The following ZNF646 variants were observed in gnomAD, a reference collection of about 807,000 sequenced individuals.
ZNF646 encodes zinc finger protein 646.
Under a neutral mutation model 115.4 loss-of-function variants are expected in ZNF646, and 49 were observed. That is an observed-to-expected ratio of 0.42 (90% CI 0.34 to 0.54). The LOEUF is 0.54. Ranked by LOEUF, ZNF646 falls within the 20% of genes least tolerant of loss-of-function variation. The probability of loss-of-function intolerance (pLI) is 0.04; values close to 1 mark genes in which losing one functional copy is unlikely to be tolerated. For synonymous variants in ZNF646, 933 were observed against 939.0 expected, an observed-to-expected ratio of 0.99 and a Z score of 0.12; for missense variants, 2,269 against 2,457.9, an observed-to-expected ratio of 0.92 and a Z score of 1.62.
rs774639852 is a variant in ZNF646, at chr16:31,078,634, C to T, written c.2310C>T (p.Asp770=). 6.2e-7 allele frequency: 1 copy of T among 1,614,140 alleles called. No homozygotes were observed. The highest frequency in any genetic ancestry group is 8.5e-7 in the Non-Finnish European group (1 of 1,180,000). The change falls in exon 2 of 3, where the codon GAC becomes GAT. Residue 770 remains aspartate (D), a synonymous_variant. Transcript: ENST00000300850. ...AAAGGAAGGATGCCAGTTTACTTGACAACTTGGACATCCCAGGTGAGGAAG... is the reference window on the plus strand; with the variant it reads ...AAAGGAAGGATGCCAGTTTACTTGATAACTTGGACATCCCAGGTGAGGAAG... ...GLERKDASLL[D]NLDIPGEEGG...
In ZNF646 at chr16:31,077,502, G is replaced by A. The variant is rs371920878; in HGVS notation, c.1178G>A (p.Arg393Gln). 154 of 1,613,396 alleles carry A rather than the reference G, an allele frequency of 9.5e-5. No homozygotes were observed. Among genetic ancestry groups the A allele is most frequent in the Non-Finnish European group, 2.5e-5 (30 of 1,179,892 alleles). The change falls in exon 2 of 3, where the codon CGA (arginine) becomes CAA (glutamine). Residue 393 changes from arginine to glutamine, a missense_variant. By Grantham distance (43) the Arg-to-Gln change is conservative (BLOSUM62 1). Transcript: ENST00000300850. ...YRHAGSLINH[R>Q]KSHQTGVYPC... ...CATGCTGGGAGCCTCATCAACCATC[G>A]AAAGAGCCACCAGACAGGTGTCTAC... is the stretch of plus-strand genomic sequence containing the variant.
At position 31,077,635 on chromosome 16, in the gene ZNF646, A is replaced by G. The variant is rs773726478; in HGVS notation, c.1311A>G (p.Ser437=). 7.4e-5 allele frequency: 119 copies of G among 1,613,774 alleles called. No individual in the cohort carries two copies. Among genetic ancestry groups the G allele is most frequent in the Admixed American group, 1.7e-4 (10 of 59,972 alleles). Residue 437 remains serine (S), a synonymous_variant, in exon 2 of 3, where the codon TCA becomes TCG. Transcript: ENST00000300850. The part of the protein sequence containing the change: ...RQGVGENGQP[S]VPPAPLLLAE... The stretch of plus-strand genomic sequence containing the variant: ...GAGTTGGGGAAAATGGGCAGCCATC[A>G]GTCCCACCAGCTCCCCTGCTGCTGG...
At position 31,078,034 on chromosome 16, in the gene ZNF646, C is replaced by A; in HGVS notation, c.1710C>A (p.Asp570Glu). 1 of 1,614,174 alleles carries A rather than the reference C, an allele frequency of 6.2e-7. No individual in the cohort carries two copies. The highest frequency in any genetic ancestry group is 1.3e-5 in the African/African-American group (1 of 75,064). The change falls in exon 2 of 3, where the codon GAC becomes GAA. Residue 570 changes from aspartate (D) to glutamate (E), a missense_variant. By Grantham distance (45) the Asp-to-Glu change is conservative. This residue lies in a region of ZNF646 where 852 missense variants were observed against 900.2 expected (regional missense o/e 0.95). Coordinates refer to ENST00000300850, the MANE Select transcript of ZNF646 (RefSeq NM_014699.4). ...EEATDITPAA[D>E]KTAAHICSIC... ...CCACGGACATCACCCCAGCAGCAGA[C>A]AAGACAGCAGCACATATCTGTAGCA...
At position 31,076,275 on chromosome 16, in the gene ZNF646, T is replaced by C; in HGVS notation, c.-50T>C. 6.4e-7 allele frequency: 1 copy of C among 1,553,498 alleles called. No individual in the cohort carries two copies. On this transcript the variant is annotated 5_prime_UTR_variant, in exon 2 of 3. Coordinates refer to ENST00000300850, the MANE Select transcript of ZNF646 (RefSeq NM_014699.4). Reference sequence around the variant, plus strand: ...TGGCCCCTCCACCAGAGGAAGGTGCTGCCACGTGTCTGCTCCTTCTGAACC... The same window carrying C: ...TGGCCCCTCCACCAGAGGAAGGTGCCGCCACGTGTCTGCTCCTTCTGAACC...
chr16:31,081,756 C>G, intron 2 of ZNF646, 55 bp downstream of exon 2: 1 of 1,498,506 alleles, frequency 6.7e-7, no homozygotes. Context: ...AGGGGGAAGT[C>G]CAGCCCCAAA....
rs765529955 is a variant in ZNF646 at position 31,080,724 on chromosome 16, T to C, written c.4400T>C (p.Val1467Ala). 1 of 1,613,620 alleles carries C rather than the reference T, an allele frequency of 6.2e-7. No individual in the cohort carries two copies. The highest frequency in any genetic ancestry group is 2.2e-5 in the East Asian group (1 of 44,870). ...GCAGGGAAGGCAGGTGGGTGGCCGG[T>C]AGGTGGGGGACTGGGGAATCATAGT... ...WGAGKAGGWPVGGGLGNHSGG... is the reference protein window; with the variant it reads ...WGAGKAGGWPAGGGLGNHSGG... Residue 1467 changes from valine (V) to alanine (A), a missense_variant, in exon 2 of 3, where the codon GTA (valine) becomes GCA (alanine). Coordinates refer to ENST00000300850, the MANE Select transcript of ZNF646 (RefSeq NM_014699.4).
rs771822946 is a variant in ZNF646, at chr16:31,078,178, C to T, written c.1854C>T (p.Ala618=). 2 of 1,614,076 alleles carry T rather than the reference C, an allele frequency of 1.2e-6. No individual in the cohort carries two copies. Among genetic ancestry groups the T allele is most frequent in the Non-Finnish European group, 1.7e-6 (2 of 1,180,048 alleles). Reference sequence around the variant, plus strand: ...CAATGTCACCTCCTAGGGCCTTTGCCTGCCGAGACTGTGGAAAGAGCTATC... The same window carrying T: ...CAATGTCACCTCCTAGGGCCTTTGCTTGCCGAGACTGTGGAAAGAGCTATC... ...ETTMSPPRAF[A]CRDCGKSYRH... The change falls in exon 2 of 3, where the codon GCC becomes GCT. Residue 618 remains alanine, a synonymous_variant. Coordinates refer to ENST00000300850, the MANE Select transcript of ZNF646 (RefSeq NM_014699.4).
At position 31,078,381 on chromosome 16, in the gene ZNF646, A is replaced by G; in HGVS notation, c.2057A>G (p.Glu686Gly). The part of the protein sequence containing the change: ...KRAGGASGGR[E>G]AKLLAAESWT... ...GCTGGCGGTGCCAGCGGTGGGAGAGAAGCCAAACTCCTGGCAGCGGAGAGC... is the reference window on the plus strand; with the variant it reads ...GCTGGCGGTGCCAGCGGTGGGAGAGGAGCCAAACTCCTGGCAGCGGAGAGC... The change falls in exon 2 of 3, where the codon GAA becomes GGA. Residue 686 changes from glutamate to glycine, a missense_variant. By Grantham distance (98) the Glu-to-Gly change is moderately conservative (BLOSUM62 -2). Coordinates refer to ENST00000300850, the MANE Select transcript of ZNF646 (RefSeq NM_014699.4). 6.2e-7 allele frequency: 1 copy of G among 1,612,452 alleles called. No homozygotes were observed. Among genetic ancestry groups the G allele is most frequent in the Non-Finnish European group, 8.5e-7 (1 of 1,179,202 alleles).
rs775744443 is a variant in ZNF646 at position 31,080,249 on chromosome 16, C to T, written c.3925C>T (p.Arg1309Cys). ...FRCGQCGRTY[R>C]HAGSLLNHRR... ...CTGTGGGCAGTGCGGGCGGACCTAT[C>T]GCCACGCCGGCAGCCTCCTGAACCA... The change falls in exon 2 of 3, where the codon CGC becomes TGC. Residue 1309 changes from arginine (R) to cysteine (C), a missense_variant. Arg to Cys is a radical substitution (Grantham distance 180). Around this residue, in one of 5 missense-constraint regions of ZNF646, gnomAD observed 1,062 missense variants for 1,172.8 expected, o/e 0.91. Transcript: ENST00000300850. 1.1e-4 allele frequency: 183 copies of T among 1,609,082 alleles called. No homozygotes were observed. Among genetic ancestry groups the T allele is most frequent in the Non-Finnish European group, 1.4e-4 (163 of 1,178,694 alleles).
Position 31,078,193 on chromosome 16 carries a change from A to G in ZNF646, c.1869A>G (p.Gly623=). 1 of 1,614,096 alleles carries G rather than the reference A, an allele frequency of 6.2e-7. No individual in the cohort carries two copies. The highest frequency in any genetic ancestry group is 8.5e-7 in the Non-Finnish European group (1 of 1,180,048). The change falls in exon 2 of 3, where the codon GGA becomes GGG. Residue 623 remains glycine (G), a synonymous_variant. Coordinates refer to ENST00000300850, the MANE Select transcript of ZNF646 (RefSeq NM_014699.4). ...PPRAFACRDC[G]KSYRHSGSLI... is the part of the protein sequence containing the mutation. Reference sequence around the variant, plus strand: ...GGGCCTTTGCCTGCCGAGACTGTGGAAAGAGCTATCGCCACTCAGGCAGCC... The same window carrying G: ...GGGCCTTTGCCTGCCGAGACTGTGGGAAGAGCTATCGCCACTCAGGCAGCC...
chr16:31,078,244 G>C lies in ZNF646; in HGVS notation c.1920G>C (p.Gln640His), dbSNP rs1190492899. ...TTATCAACCACAGGCAGACCCACCA[G>C]ACAGGAGACTTCAGTTGTGGGGCCT... ...GSLINHRQTHQTGDFSCGACA... is the reference protein window; with the variant it reads ...GSLINHRQTHHTGDFSCGACA... The change falls in exon 2 of 3, where the codon CAG becomes CAC. Residue 640 changes from glutamine (Q) to histidine (H), a missense_variant. This residue lies in a region of ZNF646 where 852 missense variants were observed against 900.2 expected (regional missense o/e 0.95). Transcript: ENST00000300850. 2 of 1,614,002 alleles carry C rather than the reference G, an allele frequency of 1.2e-6. No homozygotes were observed. Among genetic ancestry groups the C allele is most frequent in the Middle Eastern group, 1.6e-4 (1 of 6,062 alleles).
At position 31,077,290 on chromosome 16, in the gene ZNF646, G is replaced by T. The variant is rs1183736667; in HGVS notation, c.966G>T (p.Glu322Asp). ...AGTCCCATGAGGGTGAAAGGCAGGA[G>T]CCACGCTGGGAGGAGAAAGGGATGC... ...HQQSHEGERQ[E>D]PRWEEKGMPT... The change falls in exon 2 of 3, where the codon GAG becomes GAT. Residue 322 changes from glutamate (E) to aspartate (D), a missense_variant. By Grantham distance (45) the Glu-to-Asp change is conservative. This residue lies in a region of ZNF646 where 852 missense variants were observed against 900.2 expected (regional missense o/e 0.95). Transcript: ENST00000300850. 1 of 1,614,042 alleles carries T rather than the reference G, an allele frequency of 6.2e-7. No homozygotes were observed. Among genetic ancestry groups the T allele is most frequent in the Admixed American group, 1.7e-5 (1 of 60,028 alleles).
rs1182801901 is a variant in ZNF646, at chr16:31,080,887, C to T, written c.4563C>T (p.Asn1521=). Residue 1521 remains asparagine (N), a synonymous_variant, in exon 2 of 3, where the codon AAC becomes AAT. Coordinates refer to ENST00000300850, the MANE Select transcript of ZNF646 (RefSeq NM_014699.4). ...SHMDSWDNRD[N]SSQLQPGSHS... ...TGGATAGCTGGGACAACAGAGACAA[C>T]AGCTCTCAGCTGCAGCCAGGGAGCC... 6 of 1,614,022 alleles carry T rather than the reference C, an allele frequency of 3.7e-6. No individual in the cohort carries two copies. The highest frequency in any genetic ancestry group is 1.7e-5 in the Admixed American group (1 of 60,010).
In ZNF646 at chr16:31,078,114, A is replaced by G. The variant is rs374159496; in HGVS notation, c.1790A>G (p.His597Arg). ...AGCCTTGAACGTCATGGCCTGACTC[A>G]TGGGGCAGGGGAAAAGGAAAATAGC... Reference protein sequence around the residue: ...AESLERHGLTHGAGEKENSRT... With the variant: ...AESLERHGLTRGAGEKENSRT... Residue 597 changes from histidine to arginine, a missense_variant, in exon 2 of 3, where the codon CAT (histidine) becomes CGT (arginine). This residue lies in a region of ZNF646 where 852 missense variants were observed against 900.2 expected (regional missense o/e 0.95). Coordinates refer to ENST00000300850, the MANE Select transcript of ZNF646 (RefSeq NM_014699.4). The G allele has an allele frequency of 1.2e-6, 2 of 1,614,174 alleles. No homozygotes were observed. The highest frequency in any genetic ancestry group is 1.7e-6 in the Non-Finnish European group (2 of 1,180,046).
At position 31,079,470 on chromosome 16, in the gene ZNF646, C is replaced by T. The variant is rs544065274; in HGVS notation, c.3146C>T (p.Pro1049Leu). ...QGGESLLEAQ[P>L]RPFRCNQCGK... ...GGGGAAAGTTTGTTGGAGGCTCAGC[C>T]CCGCCCCTTCCGCTGCAACCAGTGT... The change falls in exon 2 of 3, where the codon CCC becomes CTC. Residue 1049 changes from proline to leucine, a missense_variant. This residue lies in a region of ZNF646 where 1,062 missense variants were observed against 1,172.8 expected (regional missense o/e 0.91). Transcript: ENST00000300850. The surrounding 1 kb of genome is among the most constrained non-coding windows in gnomAD (Gnocchi z 5.5). 6.2e-7 allele frequency: 1 copy of T among 1,613,532 alleles called. No individual in the cohort carries two copies. Among genetic ancestry groups the T allele is most frequent in the South Asian group, 1.1e-5 (1 of 91,076 alleles).
At position 31,076,682 on chromosome 16, in the gene ZNF646, G is replaced by A. The variant is rs2057080944; in HGVS notation, c.358G>A (p.Glu120Lys). 6.2e-7 allele frequency: 1 copy of A among 1,613,312 alleles called. No individual in the cohort carries two copies. Among genetic ancestry groups the A allele is most frequent in the Non-Finnish European group, 8.5e-7 (1 of 1,179,880 alleles). ...GGAAGCCACTCCACACCTCCAGGGT[G>A]AGACGGTGTCCACTGACTCCTGGGG... ...PKEATPHLQG[E>K]TVSTDSWGQR... The change falls in exon 2 of 3, where the codon GAG becomes AAG. Residue 120 changes from glutamate (E) to lysine (K), a missense_variant. This residue lies in a region of ZNF646 where 334 missense variants were observed against 323.5 expected (regional missense o/e 1.03). Transcript: ENST00000300850.
At position 31,078,786 on chromosome 16, in the gene ZNF646, A is replaced by T. The variant is rs1404320267; in HGVS notation, c.2462A>T (p.His821Leu). The T allele has an allele frequency of 1.9e-6, 3 of 1,613,814 alleles. No homozygotes were observed. Among genetic ancestry groups the T allele is most frequent in the Non-Finnish European group, 2.5e-6 (3 of 1,179,960 alleles). Residue 821 changes from histidine (H) to leucine (L), a missense_variant, in exon 2 of 3, where the codon CAC becomes CTC. This residue lies in a region of ZNF646 where 852 missense variants were observed against 900.2 expected (regional missense o/e 0.95). Coordinates refer to ENST00000300850, the MANE Select transcript of ZNF646 (RefSeq NM_014699.4). ...AVTGWQAGAA[H>L]TCSDCGHSFP... ...ACTGGCTGGCAGGCTGGGGCCGCTC[A>T]CACATGCTCTGACTGTGGGCATTCT...
Position 31,083,917 on chromosome 16 carries a change from A to G in ZNF646, c.*825A>G. On this transcript the variant is annotated 3_prime_UTR_variant, in exon 3 of 3. Transcript: ENST00000300850. ...GGGTCTGTCTTGGCCGCCATGACAG[A>G]TGAGAATACTGAGGCTCAAAGCGGT... 9 of 1,578,708 alleles carry G rather than the reference A, an allele frequency of 5.7e-6. No homozygotes were observed. Among genetic ancestry groups the G allele is most frequent in the Non-Finnish European group, 6.9e-6 (8 of 1,161,346 alleles).
chr16:31,078,972 G>C lies in ZNF646; in HGVS notation c.2648G>C (p.Cys883Ser), dbSNP rs769715320. Residue 883 changes from cysteine (C) to serine (S), a missense_variant, in exon 2 of 3, where the codon TGC becomes TCC. By Grantham distance (112) the Cys-to-Ser change is moderately radical. Transcript: ENST00000300850. ...GCGACCTCAGCACAGCCTTTCCTCT[G>C]CTGCCTCTGTGGCATGATCTTCCCT... Reference protein sequence around the residue: ...GEATSAQPFLCCLCGMIFPGR... With the variant: ...GEATSAQPFLSCLCGMIFPGR... 1.1e-5 allele frequency: 18 copies of C among 1,607,934 alleles called. No homozygotes were observed. Among genetic ancestry groups the C allele is most frequent in the Non-Finnish European group, 1.4e-5 (17 of 1,176,784 alleles).
Sources: allele counts gnomAD v4.1 joint callset, GRCh38; gene constraint gnomAD v4.1.1; regional missense constraint gnomAD v4.1.1; non-coding constraint Gnocchi (gnomAD v3.1); transcripts MANE v1.5; gene names NCBI Gene and HGNC (gene_info 2026-07-23, HGNC 2026-07-21).